Variants in GDA observed in about 807,000 individuals in gnomAD.
GDA encodes the protein guanine deaminase.
A neutral mutation model predicts 59.6 loss-of-function variants in GDA; 18 were observed. The ratio of observed to expected loss-of-function variants is 0.30; its 90% CI spans 0.21 to 0.45. The LOEUF (loss-of-function observed/expected upper bound fraction) is 0.45. Among genes scored for constraint, GDA ranks in the 20% least tolerant of loss-of-function variants. GDA has a pLI of 1.00. For synonymous variants in GDA, 201 were observed against 201.1 expected, an observed-to-expected ratio of 1.00 and a Z score of 0.00; for missense variants, 427 against 552.3, an observed-to-expected ratio of 0.77 and a Z score of 2.27.
intron 4 of GDA, among the ~76,000 whole-genome samples, chr9:72,212,708 CATTCTG>C (rs1175981814): frequency 6.6e-6 from 1 of 151,976 alleles, no homozygotes. Context: ...ATCCCTCAGC[CATTCTG>C]TGTTTTGTCT....
chr9:72,117,253 A>C (rs999063372), intron 1 of GDA, among the ~76,000 whole-genome samples: 3 of 151,980 alleles, frequency 2.0e-5, no homozygotes, highest in African/African-American at 7.3e-5. Flanking sequence ...GTCTGTAGGA[A>C]TTTTTCACTT....
intron 4 of GDA, among the ~76,000 whole-genome samples, chr9:72,211,876 C>T (rs892380061): frequency 6.6e-6 from 1 of 151,872 alleles, no homozygotes; most frequent in Non-Finnish European, 1.5e-5. Flanking sequence ...CAAATATGCA[C>T]CAAAGACTCA....
At chr9:72,161,913 C>G (rs1828683475) in intron 1 of GDA, among the ~76,000 whole-genome samples, 1 of 152,340 alleles carries the variant, frequency 6.6e-6, no homozygotes, top group Non-Finnish European at 1.5e-5. Flanking sequence ...AATCAACATT[C>G]TCAGATGGTT....
chr9:72,221,715 C>T (rs1836899896), intron 6 of GDA, among the ~76,000 whole-genome samples: 1 of 152,194 alleles, frequency 6.6e-6, no homozygotes, highest in Non-Finnish European at 1.5e-5. Context: ...CTTCCATCCT[C>T]TACCTGCCGA....
At chr9:72,146,503 C>T (rs1441551293), upstream of GDA, among the ~76,000 whole-genome samples, 2 of 151,944 alleles carry the variant, frequency 1.3e-5, no homozygotes, top group African/African-American at 4.8e-5. Flanking sequence ...GGAGTTGCCA[C>T]CTCCGAGAGT....
At chr9:72,172,593 G>C (rs1830084465) in intron 1 of GDA, among the ~76,000 whole-genome samples, 1 of 152,224 alleles carries the variant, frequency 6.6e-6, no homozygotes, top group Non-Finnish European at 1.5e-5. Flanking sequence ...TAGAGTAAAG[G>C]CTGGGGTTTA....
At chr9:72,201,489 A>G (rs1429600903) in intron 2 of GDA, among the ~76,000 whole-genome samples, 1 of 152,204 alleles carries the variant, frequency 6.6e-6, no homozygotes, top group African/African-American at 2.4e-5. Context: ...TGAGTCTGCC[A>G]TTCCTTGCTC....
At chr9:72,137,202 A>T (rs546116504) in intron 1 of GDA, among the ~76,000 whole-genome samples, 116 of 52,728 alleles carry the variant, frequency 2.2e-3, no homozygotes, top group East Asian at 0.012. Context: ...ATAAATAAAT[A>T]AATTAAAAAA....
At chr9:72,214,882 T>A in intron 5 of GDA, 1 of 189,958 alleles carries the variant, frequency 5.3e-6, no homozygotes, top group Non-Finnish European at 1.1e-5. Flanking sequence ...TACAGGCACG[T>A]GCCACCACAC....
intron 1 of GDA, among the ~76,000 whole-genome samples, chr9:72,139,357 G>A (rs1826361277): frequency 6.6e-6 from 1 of 152,182 alleles, no homozygotes; most frequent in South Asian, 2.1e-4. Flanking sequence ...ATATCAAAAT[G>A]TCCCATACTG....
chr9:72,206,326 T>G (rs1413916482), intron 3 of GDA, among the ~76,000 whole-genome samples: 1 of 152,194 alleles, frequency 6.6e-6, no homozygotes, highest in Non-Finnish European at 1.5e-5. Flanking sequence ...TCCCTACCTT[T>G]TTTGCTACGT....
At chr9:72,181,341 T>A (rs2131081366) in intron 1 of GDA, among the ~76,000 whole-genome samples, 2 of 151,366 alleles carry the variant, frequency 1.3e-5, no homozygotes, top group Non-Finnish European at 2.9e-5. Flanking sequence ...ACTTTCACAA[T>A]TTTTTTTGTG....
chr9:72,145,131 C>T (rs566772657), upstream of GDA, among the ~76,000 whole-genome samples: 4 of 152,296 alleles, frequency 2.6e-5, no homozygotes, highest in Admixed American at 1.3e-4. Context: ...ATAGCCCATT[C>T]TACTGACCTA....
chr9:72,149,771 G>T (rs1037861920), intron 1 of GDA, 89 bp downstream of exon 1: 7 of 1,356,068 alleles, frequency 5.2e-6, no homozygotes, highest in Admixed American at 2.8e-5. Flanking sequence ...CCCGGGGTTC[G>T]CTCGGTGCGC....
rs796852715 is a variant in GDA at position 72,204,480 on chromosome 9, T to C, written c.384+1738T>C. 1.2e-4 allele frequency among the ~76,000 whole-genome samples: 19 copies of C among 152,330 alleles called. 1 individual carries two copies. The highest frequency in any genetic ancestry group is 6.8e-3 in the Middle Eastern group (2 of 294). ...GGTCCATGCATTTGTTAGTTTGTCA[T>C]GAATTTGGCTTTAGATTTCTAGAAC... On this transcript the variant is annotated intron_variant, in intron 3 of 13. Coordinates refer to ENST00000358399, the MANE Select transcript of GDA (RefSeq NM_004293.5).
intron 1 of GDA, among the ~76,000 whole-genome samples, chr9:72,127,630 CTG>C (rs1825890876): frequency 2.5e-5 from 3 of 120,376 alleles, no homozygotes; most frequent in Non-Finnish European, 3.6e-5. Flanking sequence ...GAGAGAGACT[CTG>C]TCTCAAAAAA....
upstream of GDA, among the ~76,000 whole-genome samples, chr9:72,147,993 C>T (rs968047868): frequency 6.6e-6 from 1 of 152,154 alleles, no homozygotes; most frequent in African/African-American, 2.4e-5. Context: ...AGGAAAGTGC[C>T]TGGTAAACCA....
chr9:72,168,694 G>C (rs1192443842), intron 1 of GDA, among the ~76,000 whole-genome samples: 1 of 152,142 alleles, frequency 6.6e-6, no homozygotes, highest in African/African-American at 2.4e-5. Flanking sequence ...AATGAAGAAT[G>C]TATAGCACTT....
rs1235196598 is a variant in GDA at position 72,137,415 on chromosome 9, T to G, written c.-100+22582T>G. ...TCTCCTGCCACCACGCCCGGCTAAT[T>G]TTTTTGTATTTTTAGTAGAGATGGG... On this transcript the variant is annotated intron_variant, in intron 1 of 13. Coordinates refer to the GDA transcript ENST00000545168. Among the ~76,000 whole-genome samples, 5 of 151,656 alleles carry G rather than the reference T, an allele frequency of 3.3e-5. No individual in the cohort carries two copies. The East Asian group carries it at 5.9e-4, about 18-fold the overall frequency.
Sources: allele counts gnomAD v4.1 joint callset (sites outside exome capture counted in the v4.1 genomes callset), GRCh38; gene constraint gnomAD v4.1.1; transcripts MANE v1.5; gene names NCBI Gene and HGNC (gene_info 2026-07-23, HGNC 2026-07-21).